The following EPHA6 variants were observed in gnomAD, a reference collection of about 807,000 sequenced individuals.
The protein encoded by EPHA6 is EPH receptor A6.
In EPHA6, 50 loss-of-function variants were observed where a neutral mutation model predicts 112.0. That is an observed-to-expected ratio of 0.45 (90% CI 0.36 to 0.56). The LOEUF (loss-of-function observed/expected upper bound fraction) is 0.56, where lower values mean the gene tolerates loss of function less well. Among genes scored for constraint, EPHA6 ranks in the 20% least tolerant of loss-of-function variants. The probability of loss-of-function intolerance (pLI) is 0.00; values close to 1 mark genes in which losing one functional copy is unlikely to be tolerated. For missense variants in EPHA6, 1,280 were observed against 1,417.4 expected, an observed-to-expected ratio of 0.90 and a Z score of 1.56; for synonymous variants, 529 against 490.7, an observed-to-expected ratio of 1.08 and a Z score of -1.03.
intron 8 of EPHA6, among the ~76,000 whole-genome samples, chr3:97,476,814 A>G (rs747177624): frequency 6.6e-5 from 10 of 152,132 alleles, no homozygotes; most frequent in Non-Finnish European, 1.2e-4. Context: ...AATTAAGTGG[A>G]AAGAAGGCAC....
At chr3:97,343,358 T>A (rs183505457) in intron 5 of EPHA6, among the ~76,000 whole-genome samples, 1 of 152,294 alleles carries the variant, frequency 6.6e-6, no homozygotes, top group Admixed American at 6.5e-5. Flanking sequence ...ATTGAGGAGA[T>A]ATCTAATTAA....
chr3:97,708,929 A>G (rs985892910), intron 14 of EPHA6, among the ~76,000 whole-genome samples: 6 of 152,166 alleles, frequency 3.9e-5, no homozygotes, highest in African/African-American at 1.4e-4. Context: ...GGGGGCATCT[A>G]CCTAGATTTC....
At chr3:97,736,191 A>C (rs1268568332) in intron 16 of EPHA6, 73 bp downstream of exon 16, 1 of 1,257,962 alleles carries the variant, frequency 7.9e-7, no homozygotes, top group Admixed American at 2.5e-5. Context: ...TAATAATAAC[A>C]GGTAGAAAGG....
chr3:96,839,800 T>C (rs1234639696), intron 1 of EPHA6, among the ~76,000 whole-genome samples: 1 of 152,130 alleles, frequency 6.6e-6, no homozygotes, highest in East Asian at 1.9e-4. Context: ...GTTGATGTTG[T>C]AGATACTTAC....
chr3:97,144,602 T>C (rs1330115254), intron 3 of EPHA6, among the ~76,000 whole-genome samples: 1 of 151,460 alleles, frequency 6.6e-6, no homozygotes, highest in Non-Finnish European at 1.5e-5. Flanking sequence ...ACTGTAAATA[T>C]TGTTCACTGC....
intron 1 of EPHA6, among the ~76,000 whole-genome samples, chr3:96,823,976 A>G (rs2033469567): frequency 6.6e-6 from 1 of 151,842 alleles, no homozygotes; most frequent in Admixed American, 6.6e-5. Context: ...TTACGATACC[A>G]TAGTAGAGCA....
In EPHA6 at chr3:96,814,747, C is replaced by T. The variant is rs1164218979; in HGVS notation, c.124C>T (p.Arg42Cys). The T allele has an allele frequency of 1.3e-6, 2 of 1,592,046 alleles. No homozygotes were observed. Among genetic ancestry groups the T allele is most frequent in the Non-Finnish European group, 1.7e-6 (2 of 1,168,410 alleles). ...CTCGTGCCCTGTTCCCGGGACCTCG[C>T]GCAGGGGGCGCCCCGGGACACCCCC... ...GPSCPVPGTSRRGRPGTPPAG... is the reference protein window; with the variant it reads ...GPSCPVPGTSCRGRPGTPPAG... Residue 42 changes from arginine to cysteine, a missense_variant, in exon 1 of 18, where the codon CGC (arginine) becomes TGC (cysteine). Coordinates refer to ENST00000389672, the MANE Select transcript of EPHA6 (RefSeq NM_001080448.3).
intron 3 of EPHA6, among the ~76,000 whole-genome samples, chr3:97,035,180 C>T (rs1381089332): frequency 6.6e-6 from 1 of 151,832 alleles, no homozygotes; most frequent in African/African-American, 2.4e-5. Flanking sequence ...GTCAAAACCA[C>T]CCAGTTTTCC....
chr3:97,243,519 A>G (rs1288234409), intron 4 of EPHA6, among the ~76,000 whole-genome samples: 1 of 151,934 alleles, frequency 6.6e-6, no homozygotes, highest in Non-Finnish European at 1.5e-5. Flanking sequence ...GAATTATAGT[A>G]TGAAGACTGA....
At chr3:96,972,229 C>T (rs1406910499) in intron 2 of EPHA6, among the ~76,000 whole-genome samples, 1 of 151,780 alleles carries the variant, frequency 6.6e-6, no homozygotes, top group Non-Finnish European at 1.5e-5. Context: ...TGAAGAAAAA[C>T]AATAAAGAAA....
intron 3 of EPHA6, among the ~76,000 whole-genome samples, chr3:97,002,634 G>A (rs1448568228): frequency 1.3e-5 from 2 of 151,660 alleles, no homozygotes; most frequent in Non-Finnish European, 1.5e-5. Context: ...TGAATGCTAT[G>A]AAGTATAAAT....
At chr3:97,471,992 A>G (rs190995810) in intron 7 of EPHA6, among the ~76,000 whole-genome samples, 15 of 151,784 alleles carry the variant, frequency 9.9e-5, no homozygotes, top group African/African-American at 3.6e-4. Flanking sequence ...TGCATAACTC[A>G]TCTCTGCCTT....
chr3:97,438,296 C>T (rs1034593375), intron 6 of EPHA6, among the ~76,000 whole-genome samples: 7 of 152,110 alleles, frequency 4.6e-5, no homozygotes, highest in African/African-American at 1.7e-4. Context: ...ATCTTAGTTT[C>T]TGTATAGCAT....
chr3:97,657,958 T>TTAGA (rs1205130438), intron 14 of EPHA6, among the ~76,000 whole-genome samples: 2 of 151,578 alleles, frequency 1.3e-5, no homozygotes, highest in African/African-American at 4.8e-5. Flanking sequence ...TTACACATCA[T>TTAGA]TAGATAGGAC....
chr3:97,397,023 T>C (rs925993604), intron 5 of EPHA6, among the ~76,000 whole-genome samples: 1 of 151,762 alleles, frequency 6.6e-6, no homozygotes, highest in Admixed American at 6.6e-5. Flanking sequence ...TTTAAAACCA[T>C]TTCAGCTATC....
chr3:97,522,687 A>G (rs1577658939), intron 10 of EPHA6, among the ~76,000 whole-genome samples: 1 of 152,176 alleles, frequency 6.6e-6, no homozygotes, highest in Non-Finnish European at 1.5e-5. Flanking sequence ...CTTTTCTTTG[A>G]TGGGAGATTT....
At chr3:97,212,655 T>G (rs1265615051) in intron 3 of EPHA6, among the ~76,000 whole-genome samples, 3 of 152,222 alleles carry the variant, frequency 2.0e-5, no homozygotes, top group Admixed American at 6.5e-5. Context: ...CACTTGTCCA[T>G]CCCTTGAGTG....
intron 3 of EPHA6, among the ~76,000 whole-genome samples, chr3:97,113,319 A>G (rs1006136084): frequency 2.8e-4 from 43 of 152,244 alleles, no homozygotes; most frequent in African/African-American, 9.9e-4. Context: ...AGTAAAAGCC[A>G]TGTAACTGAG....
intron 5 of EPHA6, among the ~76,000 whole-genome samples, chr3:97,324,539 T>TTCTC (rs1278670688): frequency 8.6e-5 from 13 of 150,748 alleles, no homozygotes; most frequent in African/African-American, 3.2e-4. Flanking sequence ...CTTTCTCTCT[T>TTCTC]TCTCTCTTTC....
Sources: gnomAD v4.1 joint callset for allele counts (sites outside exome capture counted in the v4.1 genomes callset) on GRCh38, gnomAD v4.1.1 for gene constraint, MANE v1.5 for transcripts, NCBI Gene and HGNC (gene_info 2026-07-23, HGNC 2026-07-21) for gene names.